The following CHM variants were observed in gnomAD, a reference collection of about 807,000 sequenced individuals.
CHM encodes CHM Rab escort protein.
CHM carries 10 observed loss-of-function variants against 49.0 expected under a neutral mutation model. The observed-to-expected ratio is 0.20, with a 90% CI of 0.13 to 0.35. The LOEUF is 0.35. Among genes scored for constraint, CHM ranks in the 10% least tolerant of loss-of-function variants. The pLI is 1.00. For missense variants in CHM, 455 were observed against 478.4 expected, an observed-to-expected ratio of 0.95 and a Z score of 0.46; for synonymous variants, 184 against 167.5, an observed-to-expected ratio of 1.10 and a Z score of -0.76.
At chrX:85,977,001 T>C (rs1251884011) in intron 4 of CHM, among the ~76,000 whole-genome samples, 2 of 111,451 alleles carry the variant, frequency 1.8e-5, no homozygotes, top group Non-Finnish European at 3.8e-5. Context: ...CTGTATAATG[T>C]AAAACTTTGT....
In CHM at chrX:86,047,465, A is replaced by G. The variant is rs989832528; in HGVS notation, c.49+19T>C. ...CAGTCTTCCTAAACTTTGTCCAGGA[A>G]GCACCAGGCTACACATACCCGTCCC... is the stretch of plus-strand genomic sequence containing the variant. On this transcript the variant is annotated intron_variant, in intron 1 of 14. Coordinates refer to ENST00000357749, the MANE Select transcript of CHM (RefSeq NM_000390.4). 3 of 1,199,723 alleles carry G rather than the reference A, an allele frequency of 2.5e-6. No individual in the cohort carries two copies. The African/African-American group carries it at 5.3e-5, about 21-fold the overall frequency.
chrX:86,018,638 G>C (rs1478552947), intron 2 of CHM, among the ~76,000 whole-genome samples: 1 of 111,806 alleles, frequency 8.9e-6, no homozygotes, highest in Non-Finnish European at 1.9e-5. Flanking sequence ...ATCACTCCAG[G>C]TACCCTTCAA....
At chrX:85,983,852 A>G (rs1364445699) in intron 2 of CHM, among the ~76,000 whole-genome samples, 1 of 112,015 alleles carries the variant, frequency 8.9e-6, no homozygotes, top group Non-Finnish European at 1.9e-5. Context: ...TAAAAAATAA[A>G]TTATTTTAAT....
In CHM at chrX:85,921,316, C is replaced by G. The variant is rs531773583; in HGVS notation, c.1167-9978G>C. 1.3e-4 allele frequency among the ~76,000 whole-genome samples: 14 copies of G among 111,604 alleles called. No individual in the cohort carries two copies. The South Asian group carries it at 4.9e-3, about 39-fold the overall frequency. On this transcript the variant is annotated intron_variant, in intron 8 of 14. Coordinates refer to ENST00000357749, the MANE Select transcript of CHM (RefSeq NM_000390.4). Reference sequence around the variant, plus strand: ...TTAAGCAACCAAAGATGGCAAACATCTCTGAGATGTCAGGTAGGCTCCATC... The same window carrying G: ...TTAAGCAACCAAAGATGGCAAACATGTCTGAGATGTCAGGTAGGCTCCATC...
intron 5 of CHM, among the ~76,000 whole-genome samples, chrX:85,959,736 G>T (rs887786141): frequency 2.5e-4 from 28 of 111,288 alleles, no homozygotes; most frequent in South Asian, 3.7e-4. Context: ...CATGTTAACC[G>T]TATGGTTAAA....
chrX:86,013,052 C>T (rs1024709634), intron 2 of CHM, among the ~76,000 whole-genome samples: 21 of 111,560 alleles, frequency 1.9e-4, no homozygotes, highest in Middle Eastern at 4.7e-3. Context: ...TTTAGCCTTT[C>T]TTTGCATACT....
intron 12 of CHM, among the ~76,000 whole-genome samples, chrX:85,881,970 T>G (rs1924788688): frequency 8.9e-6 from 1 of 112,070 alleles, no homozygotes; most frequent in Non-Finnish European, 1.9e-5. Context: ...CTATTTCCAT[T>G]TATTTTTTTA....
intron 9 of CHM, chrX:85,903,756 T>G: frequency 2.7e-6 from 1 of 369,697 alleles, no homozygotes; most frequent in Non-Finnish European, 5.4e-6. Flanking sequence ...GCTACTGTTG[T>G]ATCTCTTATG....
At chrX:86,014,409 T>C (rs1933204396) in intron 2 of CHM, among the ~76,000 whole-genome samples, 1 of 112,379 alleles carries the variant, frequency 8.9e-6, no homozygotes, top group Non-Finnish European at 1.9e-5. Flanking sequence ...ATGTTAAAGT[T>C]ACCAGAAGGA....
chrX:86,021,482 T>C (rs1933602322), intron 2 of CHM, among the ~76,000 whole-genome samples: 1 of 110,169 alleles, frequency 9.1e-6, no homozygotes, highest in Non-Finnish European at 1.9e-5. Flanking sequence ...GTTACACACC[T>C]AGTAAGTGGA....
chrX:85,992,531 A>G (rs1932249069), intron 2 of CHM, among the ~76,000 whole-genome samples: 1 of 111,389 alleles, frequency 9.0e-6, no homozygotes, highest in Admixed American at 9.6e-5. Context: ...AATAGGCTAG[A>G]AAATATACTG....
chrX:85,961,823 G>T (rs1930312013), intron 5 of CHM, among the ~76,000 whole-genome samples: 1 of 111,137 alleles, frequency 9.0e-6, no homozygotes, highest in African/African-American at 3.3e-5. Flanking sequence ...AAGAGAACTG[G>T]TTATTACTAA....
chrX:85,979,635 ATC>A (rs201550336), intron 3 of CHM, among the ~76,000 whole-genome samples: 2,328 of 111,816 alleles, frequency 0.021, 75 homozygotes, highest in African/African-American at 0.072. Flanking sequence ...TCAATTTTTA[ATC>A]TGTTTAAAAT....
chrX:85,967,489 C>T (rs887023721), intron 4 of CHM, among the ~76,000 whole-genome samples: 6 of 111,594 alleles, frequency 5.4e-5, no homozygotes, highest in Non-Finnish European at 7.5e-5. Flanking sequence ...GATGGGGTTA[C>T]GTCCTGATAA....
intron 9 of CHM, among the ~76,000 whole-genome samples, chrX:85,910,999 A>G (rs1926895574): frequency 2.1e-5 from 2 of 95,451 alleles, no homozygotes; most frequent in South Asian, 1.1e-3. Flanking sequence ...GTTCTGGAGG[A>G]CCTAAACACA....
intron 8 of CHM, among the ~76,000 whole-genome samples, chrX:85,929,581 G>T (rs2148192242): frequency 8.9e-6 from 1 of 111,873 alleles, no homozygotes; most frequent in Admixed American, 9.5e-5. Flanking sequence ...AAAGAGCTGG[G>T]ATCAATACAT....
intron 13 of CHM, among the ~76,000 whole-genome samples, chrX:85,877,602 T>C (rs753258958): frequency 8.9e-6 from 1 of 111,864 alleles, no homozygotes. Flanking sequence ...CTGGAATGAT[T>C]GTAACACTGA....
At chrX:85,991,799 C>A (rs1603272759) in intron 2 of CHM, among the ~76,000 whole-genome samples, 1 of 110,587 alleles carries the variant, frequency 9.0e-6, no homozygotes, top group African/African-American at 3.3e-5. Flanking sequence ...CTTAATAGAG[C>A]ATCTGTTGAG....
At chrX:85,877,740 T>TAA (rs374362991) in intron 13 of CHM, among the ~76,000 whole-genome samples, 3 of 106,643 alleles carry the variant, frequency 2.8e-5, no homozygotes, top group Non-Finnish European at 5.8e-5. Context: ...CCCATAAAAT[T>TAA]AAAAAAAAAA....
Sources: gnomAD v4.1 joint callset for allele counts (sites outside exome capture counted in the v4.1 genomes callset) on GRCh38, gnomAD v4.1.1 for gene constraint, MANE v1.5 for transcripts, NCBI Gene and HGNC (gene_info 2026-07-23, HGNC 2026-07-21) for gene names.